Variants in CAMTA1 observed in about 807,000 individuals in gnomAD.
CAMTA1 encodes calmodulin-binding transcription activator 1.
CAMTA1 carries 27 observed loss-of-function variants against 170.9 expected under a neutral mutation model. The observed-to-expected ratio is 0.16, with a 90% confidence interval of 0.12 to 0.22. The LOEUF (loss-of-function observed/expected upper bound fraction) is 0.22, where lower values mean the gene tolerates loss of function less well. Ranked by LOEUF, CAMTA1 falls within the 10% of genes least tolerant of loss-of-function variation. The pLI is 1.00. For missense variants in CAMTA1, 1,619 were observed against 2,217.2 expected, an observed-to-expected ratio of 0.73 and a Z score of 5.42; for synonymous variants, 833 against 891.5, an observed-to-expected ratio of 0.93 and a Z score of 1.17.
At chr1:7,073,231 G>T (rs1015404406) in intron 3 of CAMTA1, among the ~76,000 whole-genome samples, 2 of 152,146 alleles carry the variant, frequency 1.3e-5, no homozygotes, top group African/African-American at 4.8e-5. Flanking sequence ...TACTGAGGTG[G>T]GGGGAAGCTA....
In CAMTA1 at chr1:7,763,429, G is replaced by T. The variant is rs142388947; in HGVS notation, c.4990-3030G>T. Among the ~76,000 whole-genome samples the T allele has an allele frequency of 9.9e-5, 15 of 152,276 alleles. No homozygotes were observed. The East Asian group carries it at 2.3e-3, about 23-fold the overall frequency. On this transcript the variant is annotated intron_variant, in intron 22 of 22. Coordinates refer to ENST00000303635, the MANE Select transcript of CAMTA1 (RefSeq NM_015215.4). ...AGCCTGGAAAATATATCTGAAAATT[G>T]CATTGTTCTCATTTTTCCTGCGTAG... is the stretch of plus-strand genomic sequence containing the variant.
intron 6 of CAMTA1, among the ~76,000 whole-genome samples, chr1:7,604,200 T>C (rs1352711553): frequency 6.6e-6 from 1 of 152,216 alleles, no homozygotes; most frequent in Non-Finnish European, 1.5e-5. Flanking sequence ...TGTGGCGTTC[T>C]CTGTATTTCC....
At chr1:7,358,725 C>T (rs2085319462) in intron 5 of CAMTA1, among the ~76,000 whole-genome samples, 1 of 152,200 alleles carries the variant, frequency 6.6e-6, no homozygotes, top group African/African-American at 2.4e-5. Context: ...TGTGAGCCAG[C>T]CACCCTCATG....
chr1:7,689,590 A>T (rs989945996), intron 11 of CAMTA1, among the ~76,000 whole-genome samples: 5 of 152,170 alleles, frequency 3.3e-5, no homozygotes, highest in Admixed American at 2.0e-4. Flanking sequence ...AAAAAAAGAA[A>T]AATCAGTGGC....
At chr1:7,193,420 A>G (rs575068053) in intron 4 of CAMTA1, among the ~76,000 whole-genome samples, 1 of 152,038 alleles carries the variant, frequency 6.6e-6, no homozygotes, top group South Asian at 2.1e-4. Context: ...ATGAAAGCCA[A>G]ATGCCTTCTG....
intron 6 of CAMTA1, among the ~76,000 whole-genome samples, chr1:7,639,197 T>C (rs1409188637): frequency 1.3e-5 from 2 of 152,116 alleles, no homozygotes; most frequent in African/African-American, 4.8e-5. Flanking sequence ...GCCAGGATGG[T>C]CTCGATCTTC....
chr1:7,354,327 T>A (rs919740879), intron 5 of CAMTA1, among the ~76,000 whole-genome samples: 1 of 151,944 alleles, frequency 6.6e-6, no homozygotes. Flanking sequence ...TTTTTTGTGT[T>A]TTTAGTAGAG....
At chr1:7,559,828 G>C (rs186579563) in intron 6 of CAMTA1, among the ~76,000 whole-genome samples, 2 of 152,024 alleles carry the variant, frequency 1.3e-5, no homozygotes, top group East Asian at 3.9e-4. Context: ...TGAACTTCCA[G>C]CTTCTGGGAG....
rs912567668 is a variant in CAMTA1 at position 7,173,692 on chromosome 1, G to T, written c.303-75799G>T. 1.5e-5 allele frequency among the ~76,000 whole-genome samples: 2 copies of T among 137,184 alleles called. No individual in the cohort carries two copies. The highest frequency in any genetic ancestry group is 1.5e-4 in the Admixed American group (2 of 13,750). 90.0% of individuals were successfully genotyped at this position (137,184 alleles called of 152,430 possible). A position where few individuals can be genotyped will look rare whatever the true frequency, so the allele number is the denominator to read the frequency against. ...CGTGAGCCACCGTGCCCAGCCCAGA[G>T]CTTAATTTTTTTTTTTAATTATTTC... On this transcript the variant is annotated intron_variant, in intron 4 of 22. Coordinates refer to ENST00000303635, the MANE Select transcript of CAMTA1 (RefSeq NM_015215.4). This position sits in a 1 kb window ranked among gnomAD's most constrained non-coding sequence, Gnocchi z 5.4.
intron 3 of CAMTA1, among the ~76,000 whole-genome samples, chr1:7,003,881 A>AAC (rs903795679): frequency 7.9e-5 from 12 of 152,366 alleles, no homozygotes; most frequent in African/African-American, 2.4e-4. Context: ...AAGGCCTGCC[A>AAC]ACACATGTCA....
In CAMTA1 at chr1:6,912,615, T is replaced by C. The variant is rs562149941; in HGVS notation, c.234+87405T>C. 1.4e-4 allele frequency among the ~76,000 whole-genome samples: 21 copies of C among 152,346 alleles called. No individual in the cohort carries two copies. The South Asian group carries it at 4.3e-3, about 32-fold the overall frequency. ...CTGTCTGGCTTAGGGAGGGGCTCTG[T>C]CCCTCCGCAGGGGAGGAGGATTTTG... On this transcript the variant is annotated intron_variant, in intron 3 of 22. Coordinates refer to ENST00000303635, the MANE Select transcript of CAMTA1 (RefSeq NM_015215.4).
At chr1:7,575,712 T>C (rs2095182829) in intron 6 of CAMTA1, among the ~76,000 whole-genome samples, 1 of 151,674 alleles carries the variant, frequency 6.6e-6, no homozygotes, top group Admixed American at 6.6e-5. Flanking sequence ...TGATTAGTAA[T>C]GTCTGGCCCA....
chr1:7,080,610 C>G (rs1639875118), intron 3 of CAMTA1, among the ~76,000 whole-genome samples: 1 of 152,148 alleles, frequency 6.6e-6, no homozygotes, highest in South Asian at 2.1e-4. Flanking sequence ...TCTTGGCTCA[C>G]TGCAACCTCT....
At chr1:7,500,966 G>A (rs764792676) in intron 6 of CAMTA1, among the ~76,000 whole-genome samples, 5 of 152,134 alleles carry the variant, frequency 3.3e-5, no homozygotes, top group African/African-American at 9.7e-5. Flanking sequence ...AGCCCAGGCC[G>A]AGAGCCATCC....
In CAMTA1 at chr1:6,897,899, G is replaced by C. The variant is rs1037530609; in HGVS notation, c.234+72689G>C. Among the ~76,000 whole-genome samples the C allele has an allele frequency of 9.2e-5, 14 of 152,152 alleles. 1 individual carries two copies. Among genetic ancestry groups the C allele is most frequent in the African/African-American group, 2.9e-4 (12 of 41,428 alleles). ...TGATTTTCTGCCCACAAACGTCTTG[G>C]TTTTCTTTTTCTAGCCTGTCTTTTC... On this transcript the variant is annotated intron_variant, in intron 3 of 22. Coordinates refer to ENST00000303635, the MANE Select transcript of CAMTA1 (RefSeq NM_015215.4).
At chr1:7,377,968 G>A (rs568463187) in intron 5 of CAMTA1, among the ~76,000 whole-genome samples, 20 of 152,268 alleles carry the variant, frequency 1.3e-4, no homozygotes, top group African/African-American at 4.6e-4. Flanking sequence ...ACCCCTCCAT[G>A]CACATTTGTT....
chr1:7,276,291 A>ATTTTTT (rs1257658481), intron 5 of CAMTA1, among the ~76,000 whole-genome samples: 794 of 51,126 alleles, frequency 0.016, 53 homozygotes, highest in Non-Finnish European at 0.021. Flanking sequence ...ATATATATAT[A>ATTTTTT]TATATATATA....
intron 3 of CAMTA1, among the ~76,000 whole-genome samples, chr1:7,030,871 G>T (rs1261750694): frequency 2.0e-5 from 3 of 149,960 alleles, no homozygotes; most frequent in Non-Finnish European, 3.0e-5. Flanking sequence ...TCCTTGCTCT[G>T]TTGCCCAGGC....
rs12067850 is a variant in CAMTA1, at chr1:7,649,163, G to A, written c.664+8610G>A. Among the ~76,000 whole-genome samples the A allele has an allele frequency of 4.9e-3, 752 of 152,348 alleles. 6 individuals are homozygous for A. The highest frequency in any genetic ancestry group is 0.017 in the African/African-American group (700 of 41,574). Reference sequence around the variant, plus strand: ...AGAAGTTTCCTTGTTTTGCAGCTGAGGTGTTGGTGCCGGCACATGGTGGAG... The same window carrying A: ...AGAAGTTTCCTTGTTTTGCAGCTGAAGTGTTGGTGCCGGCACATGGTGGAG... On this transcript the variant is annotated intron_variant, in intron 7 of 22. Coordinates refer to ENST00000303635, the MANE Select transcript of CAMTA1 (RefSeq NM_015215.4).
Sources: gnomAD v4.1 joint callset for allele counts (sites outside exome capture counted in the v4.1 genomes callset) on GRCh38, gnomAD v4.1.1 for gene constraint, Gnocchi (gnomAD v3.1) non-coding constraint, MANE v1.5 for transcripts, NCBI Gene and HGNC (gene_info 2026-07-23, HGNC 2026-07-21) for gene names.